Variants in TMCC1 observed in about 807,000 individuals in gnomAD.
TMCC1 encodes transmembrane and coiled-coil domains protein 1.
In TMCC1, 15 loss-of-function variants were observed where a neutral mutation model predicts 52.4. The observed-to-expected ratio is 0.29, with a 90% CI of 0.19 to 0.44. TMCC1 has a LOEUF of 0.44. Ranked by LOEUF, TMCC1 falls within the 20% of genes least tolerant of loss-of-function variation. TMCC1 has a pLI of 1.00. For missense variants in TMCC1, 503 were observed against 806.0 expected, an observed-to-expected ratio of 0.62 and a Z score of 4.55; for synonymous variants, 279 against 301.9, an observed-to-expected ratio of 0.92 and a Z score of 0.79.
chr3:129,662,549 A>C (rs1375807374), intron 5 of TMCC1, among the ~76,000 whole-genome samples: 5 of 152,124 alleles, frequency 3.3e-5, no homozygotes, highest in Non-Finnish European at 5.9e-5. Flanking sequence ...GAGGCACGAC[A>C]ATTGCTTGAA....
At chr3:129,892,742 A>C (rs915330757) in intron 1 of TMCC1, 1 of 152,190 alleles carries the variant, frequency 6.6e-6, no homozygotes, top group Admixed American at 6.5e-5. Flanking sequence ...CCTCACCAAG[A>C]ATGTTGTTAA....
At chr3:129,732,601 A>G (rs1403320433) in intron 4 of TMCC1, among the ~76,000 whole-genome samples, 1 of 152,142 alleles carries the variant, frequency 6.6e-6, no homozygotes, top group African/African-American at 2.4e-5. Context: ...CTAGTCAGAA[A>G]GCTGGTATGT....
At chr3:129,727,676 G>A (rs1240733913) in intron 4 of TMCC1, among the ~76,000 whole-genome samples, 1 of 152,142 alleles carries the variant, frequency 6.6e-6, no homozygotes, top group East Asian at 1.9e-4. Context: ...TGAGAAAGCT[G>A]TTACAACAAA....
At chr3:129,787,623 C>A (rs1001756386) in intron 4 of TMCC1, among the ~76,000 whole-genome samples, 1 of 152,106 alleles carries the variant, frequency 6.6e-6, no homozygotes, top group African/African-American at 2.4e-5. Flanking sequence ...ATTATTATTA[C>A]AAGCAATTTG....
At chr3:129,871,909 AT>A (rs928078171) in intron 2 of TMCC1, among the ~76,000 whole-genome samples, 5 of 152,064 alleles carry the variant, frequency 3.3e-5, no homozygotes, top group African/African-American at 9.7e-5. Flanking sequence ...AAGTGATACC[AT>A]TTTTTTTACC....
chr3:129,776,100 GC>G (rs374418805), intron 4 of TMCC1, among the ~76,000 whole-genome samples: 158 of 152,234 alleles, frequency 1.0e-3, no homozygotes, highest in African/African-American at 3.4e-3. Flanking sequence ...ACACAGTCTT[GC>G]CTCTTTGCCT....
chr3:129,718,640 G>T (rs138071076), intron 4 of TMCC1, among the ~76,000 whole-genome samples: 1 of 152,296 alleles, frequency 6.6e-6, no homozygotes, highest in East Asian at 1.9e-4. Flanking sequence ...TGCTGCGGTT[G>T]CCTGCCATTT....
chr3:129,871,403 T>C (rs1025769822), intron 2 of TMCC1, among the ~76,000 whole-genome samples: 2 of 151,260 alleles, frequency 1.3e-5, no homozygotes, highest in African/African-American at 4.9e-5. Context: ...GGATCTTACA[T>C]TTCTATTACA....
chr3:129,878,813 T>C (rs1223846974), intron 2 of TMCC1, among the ~76,000 whole-genome samples: 2 of 152,160 alleles, frequency 1.3e-5, no homozygotes, highest in Non-Finnish European at 1.5e-5. Context: ...TAAATTTTAA[T>C]AGAAACCCCC....
At chr3:129,842,477 A>C (rs75696722) in intron 2 of TMCC1, among the ~76,000 whole-genome samples, 3 of 147,646 alleles carry the variant, frequency 2.0e-5, no homozygotes, top group Non-Finnish European at 4.5e-5. Context: ...AAAAAAACAA[A>C]ACACACACAC....
intron 4 of TMCC1, among the ~76,000 whole-genome samples, chr3:129,690,183 G>A (rs2046924381): frequency 6.6e-6 from 1 of 152,204 alleles, no homozygotes; most frequent in East Asian, 1.9e-4. Context: ...CAAATCAGTT[G>A]TGATTTCAAT....
intron 5 of TMCC1, among the ~76,000 whole-genome samples, chr3:129,657,726 T>C (rs2086756837): frequency 6.6e-6 from 1 of 152,110 alleles, no homozygotes; most frequent in African/African-American, 2.4e-5. Flanking sequence ...AGGAGTATAA[T>C]AAAAAATTAT....
intron 4 of TMCC1, among the ~76,000 whole-genome samples, chr3:129,681,532 G>A (rs2088979712): frequency 6.6e-6 from 1 of 151,928 alleles, no homozygotes; most frequent in African/African-American, 2.4e-5. Flanking sequence ...AAATGAAATA[G>A]AGTATACAGA....
At chr3:129,858,139 T>C (rs2060227266) in intron 2 of TMCC1, among the ~76,000 whole-genome samples, 1 of 151,998 alleles carries the variant, frequency 6.6e-6, no homozygotes, top group Admixed American at 6.6e-5. Context: ...CTAAATGGCA[T>C]GCTCAAGGTC....
chr3:129,684,783 G>A (rs764683297), intron 4 of TMCC1, among the ~76,000 whole-genome samples: 20 of 152,206 alleles, frequency 1.3e-4, no homozygotes, highest in Non-Finnish European at 2.4e-4. Flanking sequence ...AGGTATCTGC[G>A]GGGTAGGATA....
intron 5 of TMCC1, among the ~76,000 whole-genome samples, chr3:129,668,839 G>C (rs2087682778): frequency 1.3e-5 from 2 of 152,134 alleles, no homozygotes; most frequent in African/African-American, 4.8e-5. Context: ...TGGTCAGGCT[G>C]GTCTCAAGCT....
At chr3:129,671,763 T>C (rs2087965187) in intron 4 of TMCC1, among the ~76,000 whole-genome samples, 2 of 152,220 alleles carry the variant, frequency 1.3e-5, no homozygotes. Context: ...TGGCTAGATA[T>C]AAAAATGCAA....
At chr3:129,727,344 T>C (rs2050185892) in intron 4 of TMCC1, among the ~76,000 whole-genome samples, 3 of 152,166 alleles carry the variant, frequency 2.0e-5, no homozygotes, top group South Asian at 4.1e-4. Context: ...AGATTGTCTA[T>C]AGTGCTATGT....
intron 5 of TMCC1, among the ~76,000 whole-genome samples, chr3:129,658,417 A>G (rs1188767179): frequency 1.3e-5 from 2 of 152,174 alleles, no homozygotes; most frequent in Admixed American, 1.3e-4. Context: ...CCTGAAAACA[A>G]TATTTCCCAT....
Sources: gnomAD v4.1 joint callset for allele counts (sites outside exome capture counted in the v4.1 genomes callset) on GRCh38, gnomAD v4.1.1 for gene constraint, MANE v1.5 for transcripts, NCBI Gene and HGNC (gene_info 2026-07-23, HGNC 2026-07-21) for gene names.